The following USP35 variants were observed in gnomAD, a reference collection of about 807,000 sequenced individuals.
USP35 encodes the protein ubiquitin carboxyl-terminal hydrolase 35.
In USP35, 69 loss-of-function variants were observed where a neutral mutation model predicts 83.8. The ratio of observed to expected loss-of-function variants is 0.82; its 90% confidence interval spans 0.68 to 1.01. The LOEUF is 1.01. Ranked by LOEUF, USP35 falls within the 50% of genes least tolerant of loss-of-function variation. The pLI is 0.00. For synonymous variants in USP35, 714 were observed against 589.5 expected (o/e 1.21, Z -3.06); for missense variants, 1,503 against 1,362.5 (o/e 1.10, Z -1.62).
intron 7 of USP35, among the ~76,000 whole-genome samples, chr11:78,206,694 C>T (rs550602782): frequency 8.5e-5 from 13 of 152,252 alleles, no homozygotes; most frequent in African/African-American, 2.4e-4. Flanking sequence ...TATAACAAAA[C>T]GACTTACTAG....
chr11:78,208,602 G>T (rs1863609824), intron 8 of USP35, among the ~76,000 whole-genome samples: 1 of 152,188 alleles, frequency 6.6e-6, no homozygotes, highest in Non-Finnish European at 1.5e-5. Flanking sequence ...AATGTTTGAG[G>T]TGTGCCAGGA....
At chr11:78,204,754 C>G (rs2137045200) in intron 6 of USP35, among the ~76,000 whole-genome samples, 1 of 152,302 alleles carries the variant, frequency 6.6e-6, no homozygotes, top group East Asian at 1.9e-4. Flanking sequence ...CCGCTGGCAT[C>G]TCCTTGGTTA....
rs567393230 is a variant in USP35 at position 78,196,301 on chromosome 11, A to G, written c.56A>G (p.Gln19Arg). The part of the protein sequence containing the change: ...VTSSYPVSVK[Q>R]GLVRRVLEAA... ...TCGTCATACCCGGTCAGCGTGAAGC[A>G]GGGGCTGGTTCGGCGCGTGCTGGAG... is the stretch of plus-strand genomic sequence containing the variant. Residue 19 changes from glutamine (Q) to arginine (R), a missense_variant, in exon 2 of 11, where the codon CAG (glutamine) becomes CGG (arginine). By Grantham distance (43) the Gln-to-Arg change is conservative. Transcript: ENST00000529308. The surrounding 1 kb of genome is among the most constrained non-coding windows in gnomAD (Gnocchi z 4.8). 6 of 1,594,142 alleles carry G rather than the reference A, an allele frequency of 3.8e-6. No individual in the cohort carries two copies. In the East Asian group the frequency reaches 9.1e-5, roughly 24 times the overall value.
chr11:78,196,349 G>T lies in USP35; in HGVS notation c.104G>T (p.Arg35Leu). ...VLEAARQPLEREQCLALLALG... is the reference protein window; with the variant it reads ...VLEAARQPLELEQCLALLALG... ...GAGGCGGCGCGGCAGCCGCTGGAGC[G>T]TGAGCAGTGCCTGGCGCTGCTGGCG... is the stretch of plus-strand genomic sequence containing the variant. The change falls in exon 2 of 11, where the codon CGT becomes CTT. Residue 35 changes from arginine to leucine, a missense_variant. Transcript: ENST00000529308. This position sits in a 1 kb window ranked among gnomAD's most constrained non-coding sequence, Gnocchi z 4.8. 2 of 1,578,530 alleles carry T rather than the reference G, an allele frequency of 1.3e-6. No homozygotes were observed. Among genetic ancestry groups the T allele is most frequent in the South Asian group, 1.1e-5 (1 of 89,904 alleles).
the USP35 span, among the ~76,000 whole-genome samples, chr11:78,224,429 C>G: frequency 6.0e-4 from 92 of 152,090 alleles, no homozygotes; most frequent in Non-Finnish European, 1.1e-3. Context: ...TTTCCCCAGT[C>G]CAGGTTTCTA....
At chr11:78,219,162 G>T, downstream of USP35, 1 of 1,043,012 alleles carries the variant, frequency 9.6e-7, no homozygotes, top group Non-Finnish European at 1.4e-6. Context: ...GGCTGAGACT[G>T]GCAGAGTAGA....
the USP35 span, chr11:78,222,204 G>C: frequency 2.5e-6 from 4 of 1,596,574 alleles, no homozygotes; most frequent in Admixed American, 6.7e-5. Context: ...TGCTGGAGCA[G>C]GAAAAGAAAG....
chr11:78,200,405 TGAGGA>T (rs1368808698), intron 5 of USP35, among the ~76,000 whole-genome samples, 171 bp downstream of exon 5: 10 of 152,134 alleles, frequency 6.6e-5, no homozygotes, highest in African/African-American at 2.4e-4. Flanking sequence ...CCTTTGACTG[TGAGGA>T]GAGGAGTAGT....
At position 78,209,960 on chromosome 11, in the gene USP35, G is replaced by T. The variant is rs1408479457; in HGVS notation, c.2105G>T (p.Gly702Val). ...EVGEEEESTR[G>V]EGEREKEEEV... ...GGGGAGGAGGAGGAAAGCACCAGAG[G>T]GGAAGGAGAGAGGGAGAAAGAGGAG... Residue 702 changes from glycine to valine, a missense_variant, in exon 10 of 11, where the codon GGG becomes GTG. Transcript: ENST00000529308. 2 of 1,611,302 alleles carry T rather than the reference G, an allele frequency of 1.2e-6. No homozygotes were observed. The highest frequency in any genetic ancestry group is 4.5e-5 in the East Asian group (2 of 44,782).
chr11:78,196,944 G>A lies in USP35; in HGVS notation c.673+26G>A. On this transcript the variant is annotated intron_variant, in intron 2 of 10. Transcript: ENST00000529308. This position sits in a 1 kb window ranked among gnomAD's most constrained non-coding sequence, Gnocchi z 4.8. The stretch of plus-strand genomic sequence containing the variant: ...GTGCGTGTGCGGCCGGGGCAGGAGC[G>A]CGGGCATGCGGAGGTCCTGGGTGGG... The A allele has an allele frequency of 3.5e-6, 5 of 1,429,322 alleles. No homozygotes were observed. Among genetic ancestry groups the A allele is most frequent in the Non-Finnish European group, 4.6e-6 (5 of 1,095,456 alleles). 88.5% of individuals were successfully genotyped at this position (1,429,322 alleles called of 1,614,324 possible). A position where few individuals can be genotyped will look rare whatever the true frequency, so the allele number is the denominator to read the frequency against.
chr11:78,235,984 C>T, the USP35 span, among the ~76,000 whole-genome samples: 61 of 152,250 alleles, frequency 4.0e-4, no homozygotes, highest in South Asian at 1.0e-3. Flanking sequence ...AAGACATACC[C>T]GAGACTGGGA....
downstream of USP35, chr11:78,217,670 T>C (rs1864217417): frequency 6.6e-6 from 1 of 152,242 alleles, no homozygotes. Flanking sequence ...CCCCCACCCT[T>C]AGTTTAAGAG....
At chr11:78,206,112 C>T in intron 7 of USP35, 77 bp downstream of exon 7, 1 of 1,529,246 alleles carries the variant, frequency 6.5e-7, no homozygotes, top group Non-Finnish European at 8.9e-7. Flanking sequence ...GGAAAGGTGT[C>T]CGGGGTGGGG....
the USP35 span, chr11:78,225,072 G>C: frequency 3.7e-6 from 5 of 1,360,216 alleles, no homozygotes; most frequent in Admixed American, 1.7e-5. Context: ...ACCTAACCAG[G>C]CCGGCCTGAG....
chr11:78,193,374 T>A (rs1209893889), intron 1 of USP35, among the ~76,000 whole-genome samples: 1 of 151,036 alleles, frequency 6.6e-6, no homozygotes, highest in Non-Finnish European at 1.5e-5. Flanking sequence ...GTAATTTTTT[T>A]TTTTTTTTTT....
chr11:78,234,385 G>C, the USP35 span, among the ~76,000 whole-genome samples: 1 of 152,092 alleles, frequency 6.6e-6, no homozygotes, highest in Non-Finnish European at 1.5e-5. Context: ...GCCCAGCCTA[G>C]AAGTTTCGTA....
In USP35 at chr11:78,213,751, T is replaced by G. The variant is rs370665564; in HGVS notation, c.2995T>G (p.Ser999Ala). The G allele has an allele frequency of 6.5e-7, 1 of 1,541,358 alleles. No individual in the cohort carries two copies. The highest frequency in any genetic ancestry group is 8.7e-7 in the Non-Finnish European group (1 of 1,153,508). ...TGAAGACAAGGATGAGGATGAAGGC[T>G]CTCCAGGGGGCTGCAATCCTGCAGG... Reference protein sequence around the residue: ...FDEDKDEDEGSPGGCNPAGGN... With the variant: ...FDEDKDEDEGAPGGCNPAGGN... The change falls in exon 11 of 11, where the codon TCT (serine) becomes GCT (alanine). Residue 999 changes from serine to alanine, a missense_variant. Physicochemically the swap from Ser to Ala is moderately conservative, Grantham distance 99. Coordinates refer to ENST00000529308, the MANE Select transcript of USP35 (RefSeq NM_020798.4).
At chr11:78,205,406 G>A (rs73507292) in intron 6 of USP35, among the ~76,000 whole-genome samples, 10,791 of 152,202 alleles carry the variant, frequency 0.071, 1,141 homozygotes, top group African/African-American at 0.24. Flanking sequence ...AGAGAGCCTC[G>A]CCACCGCCAG....
In USP35 at chr11:78,210,148, G is replaced by A. The variant is rs558070050; in HGVS notation, c.2293G>A (p.Val765Ile). 1.6e-4 allele frequency: 260 copies of A among 1,613,654 alleles called. 5 individuals carry two copies. The South Asian group carries it at 2.8e-3, about 17-fold the overall frequency. ...SEGSRSVLDL[V>I]NYFLSPEKLT... is the part of the protein sequence containing the mutation. ...GGGCTCCCGCTCCGTCCTGGACCTG[G>A]TTAACTACTTCCTGTCCCCCGAGAA... Residue 765 changes from valine (V) to isoleucine (I), a missense_variant, in exon 10 of 11, where the codon GTT (valine) becomes ATT (isoleucine). Physicochemically the swap from Val to Ile is conservative, Grantham distance 29. Transcript: ENST00000529308.
Sources: allele counts gnomAD v4.1 joint callset (sites outside exome capture counted in the v4.1 genomes callset), GRCh38; gene constraint gnomAD v4.1.1; non-coding constraint Gnocchi (gnomAD v3.1); transcripts MANE v1.5; gene names NCBI Gene and HGNC (gene_info 2026-07-23, HGNC 2026-07-21).